Variants in ZNF232 observed in about 807,000 individuals in gnomAD.
ZNF232 encodes the protein zinc finger and SCAN domain-containing protein 11.
ZNF232 carries 25 observed loss-of-function variants against 25.2 expected under a neutral mutation model. That is an observed-to-expected ratio of 0.99 (90% CI 0.72 to 1.39). The LOEUF is 1.39. ZNF232 is among the 40% of genes most tolerant of loss of function. The probability of loss-of-function intolerance (pLI) is 0.00; values close to 1 mark genes in which losing one functional copy is unlikely to be tolerated. For synonymous variants in ZNF232, 193 were observed against 182.9 expected (o/e 1.06, Z -0.45); for missense variants, 519 against 520.9 (o/e 1.00, Z 0.04).
exon 2 of ZNF232, chr17:5,109,552 T>A (rs2072345039): frequency 6.2e-7 from 1 of 1,614,084 alleles, no homozygotes; most frequent in African/African-American, 1.3e-5. Flanking sequence ...TGCTCCTTCG[T>A]GTGTTTCTCT....
At chr17:5,115,383 C>T (rs1325181573), upstream of ZNF232, among the ~76,000 whole-genome samples, 3 of 152,028 alleles carry the variant, frequency 2.0e-5, no homozygotes, top group Non-Finnish European at 4.4e-5. Flanking sequence ...GAAACCCTCT[C>T]TCTACTAAAA....
At chr17:5,122,688 A>C (rs1369104920) in intron 1 of ZNF232, among the ~76,000 whole-genome samples, 1 of 152,152 alleles carries the variant, frequency 6.6e-6, no homozygotes, top group Admixed American at 6.5e-5. Context: ...GAACAAAAGC[A>C]GCTGCCCGCG....
At chr17:5,115,534 G>A (rs1317204692), upstream of ZNF232, among the ~76,000 whole-genome samples, 2 of 127,634 alleles carry the variant, frequency 1.6e-5, no homozygotes, top group Non-Finnish European at 3.2e-5. Flanking sequence ...TTGGGCAACA[G>A]AGCAAGACTC....
chr17:5,118,460 G>A (rs1256004703), intron 1 of ZNF232, among the ~76,000 whole-genome samples: 3 of 152,276 alleles, frequency 2.0e-5, no homozygotes, highest in Non-Finnish European at 4.4e-5. Context: ...TGCTGCCCAA[G>A]TGGGGGTGCC....
exon 4 of ZNF232, chr17:5,106,069 A>G (rs1269911335): frequency 6.2e-7 from 1 of 1,614,170 alleles, no homozygotes; most frequent in Admixed American, 1.7e-5. Context: ...GCCTTCCCAC[A>G]TTCATTACAT....
exon 2 of ZNF232, chr17:5,109,721 C>G: frequency 6.2e-7 from 1 of 1,614,098 alleles, no homozygotes. Context: ...AAGACTGTTC[C>G]TCTTCCTTTG....
chr17:5,111,740 C>A, intron 1 of ZNF232, 60 bp downstream of exon 1: 1 of 1,612,124 alleles, frequency 6.2e-7, no homozygotes, highest in Admixed American at 1.7e-5. Flanking sequence ...CCGCTGCCTG[C>A]GGGACGGGCA....
At chr17:5,121,952 C>T (rs769432910) in intron 1 of ZNF232, among the ~76,000 whole-genome samples, 2 of 151,994 alleles carry the variant, frequency 1.3e-5, no homozygotes, top group South Asian at 2.1e-4. Context: ...GATTAGATCA[C>T]GTAGGCAATG....
At chr17:5,111,933 G>C, upstream of ZNF232, 1 of 1,464,198 alleles carries the variant, frequency 6.8e-7, no homozygotes, top group Non-Finnish European at 9.1e-7. Flanking sequence ...CTCGCCGCCG[G>C]CTTCCGTTCG....
At chr17:5,111,073 T>C (rs55777955) in intron 1 of ZNF232, 1 of 152,118 alleles carries the variant, frequency 6.6e-6, no homozygotes, top group Admixed American at 6.5e-5. Flanking sequence ...AAGGTAGACA[T>C]ACAGTAGAGG....
intron 3 of ZNF232, 132 bp from the exon 4 acceptor site, chr17:5,106,665 G>T (rs2072268385): frequency 2.6e-6 from 2 of 773,286 alleles, no homozygotes; most frequent in South Asian, 3.9e-5. Flanking sequence ...GTTATCTCTT[G>T]GTGATGGGAC....
At chr17:5,105,768 C>T in exon 4 of ZNF232, 1 of 1,472,360 alleles carries the variant, frequency 6.8e-7, no homozygotes, top group Non-Finnish European at 9.1e-7. Context: ...GGGATCCAGT[C>T]CTAAAGTAGA....
chr17:5,121,100 T>C (rs1045689919), intron 1 of ZNF232, among the ~76,000 whole-genome samples: 3 of 152,114 alleles, frequency 2.0e-5, no homozygotes, highest in African/African-American at 7.2e-5. Context: ...AGGCTGAGTG[T>C]CTCCAGTGTC....
intron 1 of ZNF232, among the ~76,000 whole-genome samples, chr17:5,110,128 G>A (rs2072365442): frequency 1.3e-5 from 2 of 152,072 alleles, no homozygotes; most frequent in South Asian, 4.1e-4. Context: ...CTGACCTCAG[G>A]TGACCCACCC....
exon 1 of ZNF232, chr17:5,111,841 C>G: frequency 6.2e-7 from 1 of 1,613,762 alleles, no homozygotes; most frequent in Non-Finnish European, 8.5e-7. Flanking sequence ...TGCCGCGAAT[C>G]GCGCCACTTA....
chr17:5,109,617 C>T, exon 2 of ZNF232: 1 of 1,614,212 alleles, frequency 6.2e-7, no homozygotes, highest in Non-Finnish European at 8.5e-7. Context: ...CTCCCGGGGA[C>T]CAGGAGTCTC....
rs746876500 is a variant in ZNF232, at chr17:5,109,863, G to C, written c.29C>G (p.Pro10Arg). The C allele has an allele frequency of 7.5e-6, 12 of 1,599,452 alleles. No homozygotes were observed. In the Admixed American group the frequency reaches 1.9e-4, roughly 26 times the overall value. Residue 10 changes from proline (P) to arginine (R), a missense_variant, in exon 2 of 4, where the codon CCC becomes CGC. Transcript: ENST00000575898. ...CTCATACCAGCTGGAATCTTGCAAG[G>C]GCCCCCTGTAACATAAGAAGAAATC...
upstream of ZNF232, among the ~76,000 whole-genome samples, chr17:5,113,158 T>G (rs1207996723): frequency 1.3e-5 from 2 of 152,238 alleles, no homozygotes; most frequent in Non-Finnish European, 2.9e-5. Flanking sequence ...ATAGTATCCT[T>G]GAAAATGCGC....
At position 5,122,794 on chromosome 17, in the gene ZNF232, CG is replaced by C. The variant is rs1436851178; in HGVS notation, c.-530+182del. On this transcript the variant is annotated intron_variant, in intron 1 of 4. Transcript: ENST00000250076. The stretch of plus-strand genomic sequence containing the variant: ...TCTCAGGTCCGGTAGGGCGAGGGGT[CG>C]GGGCCGGTGGGTAGGGCGCGGAGAG... Among the ~76,000 whole-genome samples, 12 of 152,314 alleles carry C rather than the reference CG, an allele frequency of 7.9e-5. No individual in the cohort carries two copies. The South Asian group carries it at 2.3e-3, about 29-fold the overall frequency.
Sources: allele counts gnomAD v4.1 joint callset (sites outside exome capture counted in the v4.1 genomes callset), GRCh38; gene constraint gnomAD v4.1.1; transcripts MANE v1.5; gene names NCBI Gene and HGNC (gene_info 2026-07-23, HGNC 2026-07-21).